The following LRPPRC variants were observed in gnomAD, a reference collection of about 807,000 sequenced individuals.
The protein encoded by LRPPRC is leucine rich pentatricopeptide repeat containing.
LRPPRC carries 120 observed loss-of-function variants against 180.3 expected under a neutral mutation model. The ratio of observed to expected loss-of-function variants is 0.67; its 90% CI spans 0.57 to 0.77. The LOEUF (loss-of-function observed/expected upper bound fraction) is 0.77. Ranked by LOEUF, LRPPRC falls within the 30% of genes least tolerant of loss-of-function variation. The pLI is 0.00. For missense variants in LRPPRC, 2,012 were observed against 1,657.2 expected, an observed-to-expected ratio of 1.21 and a Z score of -3.72; for synonymous variants, 723 against 600.0, an observed-to-expected ratio of 1.21 and a Z score of -3.00.
intron 35 of LRPPRC, among the ~76,000 whole-genome samples, chr2:43,895,559 C>A (rs1395649495): frequency 6.6e-6 from 1 of 152,182 alleles, no homozygotes; most frequent in Non-Finnish European, 1.5e-5. Flanking sequence ...TATAAAAACA[C>A]AGCCTCTCTG....
chr2:43,896,531 TCTC>T, intron 35 of LRPPRC, 100 bp downstream of exon 35: 1 of 749,784 alleles, frequency 1.3e-6, no homozygotes, highest in Non-Finnish European at 2.3e-6. Context: ...TCTATAGTAT[TCTC>T]AAATAAGGTC....
At chr2:43,916,133 C>A (rs1275084080) in intron 29 of LRPPRC, among the ~76,000 whole-genome samples, 1 of 152,082 alleles carries the variant, frequency 6.6e-6, no homozygotes, top group Non-Finnish European at 1.5e-5. Context: ...TTCCAATAAA[C>A]CTCAAAACTA....
intron 25 of LRPPRC, among the ~76,000 whole-genome samples, chr2:43,928,214 A>AG (rs1274916683): frequency 6.6e-6 from 1 of 152,188 alleles, no homozygotes; most frequent in Non-Finnish European, 1.5e-5. Context: ...TTACTTGTAT[A>AG]GGGGAAAAAA....
rs927031211 is a variant in LRPPRC at position 43,887,463 on chromosome 2, C to T, written c.*1137G>A. Reference sequence around the variant, plus strand: ...CAAGTTGCAAGAGGCCCGCCTACGTCCCCAAGGCAAGGTCTCCCCTGATGT... The same window carrying T: ...CAAGTTGCAAGAGGCCCGCCTACGTTCCCAAGGCAAGGTCTCCCCTGATGT... On this transcript the variant is annotated 3_prime_UTR_variant, in exon 38 of 38. Transcript: ENST00000260665. 1 of 152,248 alleles carries T rather than the reference C, an allele frequency of 6.6e-6. No homozygotes were observed. The highest frequency in any genetic ancestry group is 1.5e-5 in the Non-Finnish European group (1 of 68,064). 9.4% of individuals were successfully genotyped at this position (152,248 alleles called of 1,614,324 possible).
At chr2:43,890,649 C>G (rs111472651) in intron 36 of LRPPRC, among the ~76,000 whole-genome samples, 5,100 of 152,244 alleles carry the variant, frequency 0.033, 132 homozygotes, top group Non-Finnish European at 0.053. Flanking sequence ...GGAGGTGGAG[C>G]TTGCAGTGAG....
chr2:43,949,509 ATAAAG>A (rs1355107932), intron 16 of LRPPRC, 88 bp downstream of exon 16: 13 of 875,700 alleles, frequency 1.5e-5, no homozygotes, highest in Admixed American at 1.2e-4. Context: ...ACTTTAAAAA[ATAAAG>A]TATTTACTGC....
chr2:43,908,346 A>G (rs1380035638), intron 30 of LRPPRC, among the ~76,000 whole-genome samples: 1 of 152,214 alleles, frequency 6.6e-6, no homozygotes, highest in Non-Finnish European at 1.5e-5. Context: ...AAAATGAAAG[A>G]AAGATGGCTT....
Position 43,934,867 on chromosome 2 carries a change from G to A in LRPPRC, c.2516C>T (p.Ser839Phe), listed in dbSNP as rs1237064273. 2 of 1,612,898 alleles carry A rather than the reference G, an allele frequency of 1.2e-6. No individual in the cohort carries two copies. The highest frequency in any genetic ancestry group is 1.1e-5 in the South Asian group (1 of 90,974). The change falls in exon 24 of 38, where the codon TCT (serine) becomes TTT (phenylalanine). Residue 839 changes from serine to phenylalanine, a missense_variant. Ser to Phe is a radical substitution (Grantham distance 155). Coordinates refer to ENST00000260665, the MANE Select transcript of LRPPRC (RefSeq NM_133259.4). ...VTVHLEKGDL[S>F]TALEVAIDCY... ...GTCAATGGCGACCTCAAGAGCAGTA[G>A]ATAGGTCGCCCCTTAGAAACAAAAA...
At chr2:43,917,650 G>T (rs1049971704) in intron 29 of LRPPRC, among the ~76,000 whole-genome samples, 5 of 152,022 alleles carry the variant, frequency 3.3e-5, no homozygotes, top group African/African-American at 1.2e-4. Context: ...TTAGCCAGGC[G>T]TGGGGGCGGA....
Position 43,947,347 on chromosome 2 carries a change from T to A in LRPPRC, c.1989A>T (p.Glu663Asp). 6.3e-7 allele frequency: 1 copy of A among 1,595,152 alleles called. No homozygotes were observed. Among genetic ancestry groups the A allele is most frequent in the Non-Finnish European group, 8.6e-7 (1 of 1,163,758 alleles). Reference sequence around the variant, plus strand: ...TTAGTGTTTCAAGTGTGGACTCCAATTCAGATGATGTAAGTTGCACAGTCT... The same window carrying A: ...TTAGTGTTTCAAGTGTGGACTCCAAATCAGATGATGTAAGTTGCACAGTCT... ...FQKTVQLTSSELESTLETLKA... is the reference protein window; with the variant it reads ...FQKTVQLTSSDLESTLETLKA... The change falls in exon 20 of 38, where the codon GAA becomes GAT. Residue 663 changes from glutamate to aspartate, a missense_variant. Coordinates refer to ENST00000260665, the MANE Select transcript of LRPPRC (RefSeq NM_133259.4).
chr2:43,974,771 C>T lies in LRPPRC; in HGVS notation c.865-13G>A, dbSNP rs1190286245. On this transcript the variant is annotated splice_polypyrimidine_tract_variant and intron_variant, in intron 7 of 37. Transcript: ENST00000260665. ...CCTTCTCCAGAGTCTATAGAGAGTT[C>T]CAGAAATTAGAAGACAAAGTTAGAG... The T allele has an allele frequency of 4.3e-6, 7 of 1,611,560 alleles. No homozygotes were observed. The highest frequency in any genetic ancestry group is 5.1e-6 in the Non-Finnish European group (6 of 1,178,098).
chr2:43,917,400 A>G (rs1671512039), intron 29 of LRPPRC, among the ~76,000 whole-genome samples: 1 of 151,986 alleles, frequency 6.6e-6, no homozygotes, highest in Admixed American at 6.6e-5. Flanking sequence ...AGAAATTTTG[A>G]CTTTTTTCAT....
rs532493507 is a variant in LRPPRC at position 43,929,766 on chromosome 2, AG to A, written c.2737-3806del. On this transcript the variant is annotated intron_variant, in intron 25 of 37. Transcript: ENST00000260665. ...CCTTTTCTCTAAAATTTTCCAAGAT[AG>A]ACTTGAAGACCATGTATAATAAGGA... Among the ~76,000 whole-genome samples the A allele has an allele frequency of 1.1e-4, 17 of 152,286 alleles. No individual in the cohort carries two copies. The East Asian group carries it at 3.3e-3, about 29-fold the overall frequency.
intron 1 of LRPPRC, among the ~76,000 whole-genome samples, chr2:43,985,039 C>A (rs1674467840): frequency 6.7e-6 from 1 of 148,700 alleles, no homozygotes; most frequent in South Asian, 2.1e-4. Context: ...AGAAAACGAT[C>A]TTATAGTTGA....
chr2:43,963,897 C>G, intron 11 of LRPPRC, 191 bp from the exon 12 acceptor site: 1 of 607,328 alleles, frequency 1.6e-6, no homozygotes, highest in Non-Finnish European at 2.9e-6. Flanking sequence ...TTTCTTCATC[C>G]CCCTCTGTGA....
At chr2:43,943,625 G>C in intron 23 of LRPPRC, 62 bp downstream of exon 23, 1 of 1,402,686 alleles carries the variant, frequency 7.1e-7, no homozygotes, top group Non-Finnish European at 1.0e-6. Flanking sequence ...AGTATAATCC[G>C]AAAATTATTA....
chr2:43,985,713 T>A (rs1389171598), intron 1 of LRPPRC, among the ~76,000 whole-genome samples: 1 of 152,208 alleles, frequency 6.6e-6, no homozygotes, highest in African/African-American at 2.4e-5. Flanking sequence ...TATACATGAT[T>A]TGTTTACCCA....
intron 1 of LRPPRC, 117 bp downstream of exon 1, chr2:43,995,682 G>T: frequency 9.7e-7 from 1 of 1,026,406 alleles, no homozygotes; most frequent in Non-Finnish European, 1.3e-6. Context: ...GGGAGGCTAG[G>T]TCCTGGGGCG....
intron 1 of LRPPRC, among the ~76,000 whole-genome samples, chr2:43,990,445 C>A (rs573844709): frequency 8.8e-4 from 134 of 152,274 alleles, no homozygotes; most frequent in South Asian, 2.9e-3. Flanking sequence ...TCTACATAAA[C>A]TTTGTCAAAA....
Sources: gnomAD v4.1 joint callset for allele counts (sites outside exome capture counted in the v4.1 genomes callset) on GRCh38, gnomAD v4.1.1 for gene constraint, MANE v1.5 for transcripts, NCBI Gene and HGNC (gene_info 2026-07-23, HGNC 2026-07-21) for gene names.